Variants in PRLR observed in about 807,000 individuals in gnomAD.
The protein encoded by PRLR is hPRL receptor.
PRLR carries 13 observed loss-of-function variants against 40.2 expected under a neutral mutation model. The ratio of observed to expected loss-of-function variants is 0.32; its 90% CI spans 0.21 to 0.51. PRLR has a LOEUF of 0.51. Among genes scored for constraint, PRLR ranks in the 20% least tolerant of loss-of-function variants. The pLI, the probability that PRLR is intolerant of heterozygous loss-of-function variation, is 0.97. For missense variants in PRLR, 656 were observed against 747.3 expected (o/e 0.88, Z 1.42); for synonymous variants, 269 against 278.7 (o/e 0.97, Z 0.35).
intron 1 of PRLR, among the ~76,000 whole-genome samples, chr5:35,213,077 T>A (rs1776209199): frequency 6.6e-6 from 1 of 152,200 alleles, no homozygotes; most frequent in Admixed American, 6.5e-5. Context: ...GCTGCTTGAA[T>A]AATCAGAGCT....
chr5:35,133,722 T>C lies in PRLR; in HGVS notation c.-105-15600A>G, dbSNP rs184888795. Reference sequence around the variant, plus strand: ...TCAATCTGATCCCTTCCTCACAGCATGTTTTCTCTCCTTAAAGACTGTAAA... The same window carrying C: ...TCAATCTGATCCCTTCCTCACAGCACGTTTTCTCTCCTTAAAGACTGTAAA... On this transcript the variant is annotated intron_variant, in intron 1 of 9. Coordinates refer to ENST00000618457, the MANE Select transcript of PRLR (RefSeq NM_000949.7). 5.9e-5 allele frequency among the ~76,000 whole-genome samples: 9 copies of C among 152,304 alleles called. No homozygotes were observed. The East Asian group carries it at 1.5e-3, about 26-fold the overall frequency.
At chr5:35,048,838 C>G (rs1013937801) in exon 9 of PRLR, 3 of 264,184 alleles carry the variant, frequency 1.1e-5, no homozygotes, top group Non-Finnish European at 2.3e-5. Context: ...AATGGGGGAC[C>G]ACGTGCTTTA....
chr5:35,079,157 A>G (rs192405074), intron 5 of PRLR, among the ~76,000 whole-genome samples: 22 of 152,352 alleles, frequency 1.4e-4, no homozygotes, highest in African/African-American at 5.3e-4. Context: ...CAAGACAGGG[A>G]TGCCATCTCT....
intron 1 of PRLR, among the ~76,000 whole-genome samples, chr5:35,207,757 T>C (rs1449215833): frequency 6.6e-6 from 1 of 152,208 alleles, no homozygotes; most frequent in Admixed American, 6.5e-5. Context: ...TATATACATG[T>C]ATTTACACAC....
intron 1 of PRLR, among the ~76,000 whole-genome samples, chr5:35,168,562 C>A (rs1208332526): frequency 1.3e-5 from 2 of 150,908 alleles, no homozygotes; most frequent in African/African-American, 4.9e-5. Context: ...CTAAAATATC[C>A]CTAAATATTT....
intron 5 of PRLR, among the ~76,000 whole-genome samples, chr5:35,079,324 A>G (rs572567067): frequency 6.6e-6 from 1 of 152,214 alleles, no homozygotes. Flanking sequence ...ATCTCAGCCC[A>G]AAATCTCCTT....
chr5:35,147,135 C>A (rs1434291476), intron 1 of PRLR, among the ~76,000 whole-genome samples: 1 of 152,154 alleles, frequency 6.6e-6, no homozygotes, highest in Non-Finnish European at 1.5e-5. Context: ...ACTGCTCATA[C>A]AATTTTATGT....
At chr5:35,143,083 C>T (rs1437148725) in intron 1 of PRLR, among the ~76,000 whole-genome samples, 1 of 151,754 alleles carries the variant, frequency 6.6e-6, no homozygotes. Flanking sequence ...CTAAAAACAA[C>T]AAAATAAAAA....
chr5:35,065,429 A>C lies in PRLR; in HGVS notation c.1529T>G (p.Val510Gly). The C allele has an allele frequency of 6.2e-7, 1 of 1,614,044 alleles. No individual in the cohort carries two copies. The highest frequency in any genetic ancestry group is 8.5e-7 in the Non-Finnish European group (1 of 1,180,002). The change falls in exon 10 of 10, where the codon GTG (valine) becomes GGG (glycine). Residue 510 changes from valine to glycine, a missense_variant. Val to Gly is a moderately radical substitution (Grantham distance 109). Around this residue, in one of 3 missense-constraint regions of PRLR, gnomAD observed 469 missense variants for 491.5 expected, o/e 0.95. Coordinates refer to ENST00000618457, the MANE Select transcript of PRLR (RefSeq NM_000949.7). Reference sequence around the variant, plus strand: ...ATCTTTGTTGACCTTGTGAATCTCCACATAATCCAAGGGTTTAGCGGAGCC... The same window carrying C: ...ATCTTTGTTGACCTTGTGAATCTCCCCATAATCCAAGGGTTTAGCGGAGCC... Reference protein sequence around the residue: ...PFGSAKPLDYVEIHKVNKDGA... With the variant: ...PFGSAKPLDYGEIHKVNKDGA...
At chr5:35,164,842 G>A (rs1440024444) in intron 1 of PRLR, among the ~76,000 whole-genome samples, 1 of 152,158 alleles carries the variant, frequency 6.6e-6, no homozygotes, top group Non-Finnish European at 1.5e-5. Context: ...GGACAGGTAA[G>A]ACTTGAGATA....
At chr5:35,225,343 G>C (rs1776521722) in intron 1 of PRLR, among the ~76,000 whole-genome samples, 2 of 152,166 alleles carry the variant, frequency 1.3e-5, no homozygotes, top group African/African-American at 2.4e-5. Context: ...GCAGCATGAG[G>C]GTGGGGGAGA....
At position 35,070,217 on chromosome 5, in the gene PRLR, G is replaced by A; in HGVS notation, c.592C>T (p.Pro198Ser). 6.2e-7 allele frequency: 1 copy of A among 1,614,102 alleles called. No individual in the cohort carries two copies. The highest frequency in any genetic ancestry group is 8.5e-7 in the Non-Finnish European group (1 of 1,180,010). ...ACCTGGACAAGGTATTTCTGTCCTG[G>A]ATGTAGGCTGAGAATCTTAAACTCT... ...QTEFKILSLH[P>S]GQKYLVQVRC... Residue 198 changes from proline to serine, a missense_variant, in exon 7 of 10, where the codon CCA (proline) becomes TCA (serine). Pro to Ser is a moderately conservative substitution (Grantham distance 74). Coordinates refer to ENST00000618457, the MANE Select transcript of PRLR (RefSeq NM_000949.7).
intron 1 of PRLR, among the ~76,000 whole-genome samples, chr5:35,186,092 C>A (rs1383989915): frequency 6.6e-6 from 1 of 152,046 alleles, no homozygotes; most frequent in African/African-American, 2.4e-5. Flanking sequence ...CCTATTGCAC[C>A]ACATTGAGGT....
Position 35,086,265 on chromosome 5 carries a change from C to T in PRLR, c.146G>A (p.Arg49Lys). The stretch of plus-strand genomic sequence containing the variant: ...AGGAAGTCCTCCATCTGTCCCAGGC[C>T]TCCACCAGCAGGTGAATGTTTCCTT... ...PNKETFTCWW[R>K]PGTDGGLPTN... Residue 49 changes from arginine (R) to lysine (K), a missense_variant, in exon 4 of 10, where the codon AGG (arginine) becomes AAG (lysine). Transcript: ENST00000618457. 2 of 1,614,064 alleles carry T rather than the reference C, an allele frequency of 1.2e-6. No individual in the cohort carries two copies. Among genetic ancestry groups the T allele is most frequent in the South Asian group, 1.1e-5 (1 of 91,070 alleles).
At chr5:35,126,486 A>C (rs952900693) in intron 1 of PRLR, among the ~76,000 whole-genome samples, 12 of 152,326 alleles carry the variant, frequency 7.9e-5, no homozygotes, top group Non-Finnish European at 1.3e-4. Flanking sequence ...TAATTTTAAA[A>C]AATTGGAGGA....
intron 1 of PRLR, among the ~76,000 whole-genome samples, chr5:35,175,774 C>T (rs992191401): frequency 3.9e-5 from 6 of 152,188 alleles, no homozygotes; most frequent in African/African-American, 1.4e-4. Context: ...CCACTTCCTC[C>T]ATATAATCAA....
At chr5:35,185,028 G>A (rs1775388371) in intron 1 of PRLR, among the ~76,000 whole-genome samples, 1 of 152,200 alleles carries the variant, frequency 6.6e-6, no homozygotes, top group Non-Finnish European at 1.5e-5. Context: ...TTCAACCGCT[G>A]GAAGGACTTT....
Position 35,143,888 on chromosome 5 carries a change from A to T in PRLR, c.-105-25766T>A, listed in dbSNP as rs553049836. 2.7e-5 allele frequency among the ~76,000 whole-genome samples: 4 copies of T among 149,006 alleles called. No individual in the cohort carries two copies. In the South Asian group the frequency reaches 8.6e-4, roughly 32 times the overall value. On this transcript the variant is annotated intron_variant, in intron 1 of 9. Transcript: ENST00000618457. Reference sequence around the variant, plus strand: ...AATCAATGGGCCTTAGAATAATATGAGTATGACAAAAACAAACAAAATTTT... The same window carrying T: ...AATCAATGGGCCTTAGAATAATATGTGTATGACAAAAACAAACAAAATTTT...
intron 1 of PRLR, among the ~76,000 whole-genome samples, chr5:35,206,715 A>C (rs1296759392): frequency 6.6e-6 from 1 of 152,120 alleles, no homozygotes; most frequent in African/African-American, 2.4e-5. Context: ...TGTAGAAATA[A>C]AAAGAAGGGT....
Sources: gnomAD v4.1 joint callset for allele counts (sites outside exome capture counted in the v4.1 genomes callset) on GRCh38, gnomAD v4.1.1 for gene constraint, gnomAD v4.1.1 regional missense constraint, MANE v1.5 for transcripts, NCBI Gene and HGNC (gene_info 2026-07-23, HGNC 2026-07-21) for gene names.